Variants in NCKAP5 observed in about 807,000 individuals in gnomAD.
NCKAP5 encodes NCK associated protein 5, also known as nck-associated protein 5.
A neutral mutation model predicts 167.0 loss-of-function variants in NCKAP5; 92 were observed. The observed-to-expected ratio is 0.55, with a 90% CI of 0.47 to 0.66. NCKAP5 has a LOEUF of 0.66. Ranked by LOEUF, NCKAP5 falls within the 30% of genes least tolerant of loss-of-function variation. The pLI is 0.00. For synonymous variants in NCKAP5, 891 were observed against 877.4 expected (o/e 1.02, Z -0.27); for missense variants, 2,378 against 2,315.0 (o/e 1.03, Z -0.56).
chr2:133,351,791 G>C (rs180672950), intron 3 of NCKAP5, among the ~76,000 whole-genome samples: 2 of 152,186 alleles, frequency 1.3e-5, no homozygotes, highest in East Asian at 3.9e-4. Flanking sequence ...AGGAAAGCAT[G>C]TCTGCTTTCT....
At chr2:133,628,456 G>A in the NCKAP5 span, among the ~76,000 whole-genome samples, 12 of 152,188 alleles carry the variant, frequency 7.9e-5, no homozygotes, top group East Asian at 1.4e-3. Flanking sequence ...GGACCTCTTC[G>A]AGGATAACCA....
At chr2:133,001,177 G>GAT (rs1473408571) in intron 6 of NCKAP5, among the ~76,000 whole-genome samples, 1 of 150,184 alleles carries the variant, frequency 6.7e-6, no homozygotes, top group Admixed American at 6.6e-5. Flanking sequence ...TCCAGTTATT[G>GAT]ATATATATGT....
chr2:133,488,122 A>G (rs1332120742), intron 3 of NCKAP5, among the ~76,000 whole-genome samples: 1 of 152,226 alleles, frequency 6.6e-6, no homozygotes, highest in Non-Finnish European at 1.5e-5. Flanking sequence ...TTTTAAATGT[A>G]GTTGTCAAAG....
intron 4 of NCKAP5, among the ~76,000 whole-genome samples, chr2:133,258,009 G>A (rs904900671): frequency 2.0e-5 from 3 of 152,268 alleles, no homozygotes; most frequent in East Asian, 1.9e-4. Flanking sequence ...TGCAGGAAGC[G>A]CTAAAGACTG....
At chr2:133,313,536 C>A (rs1003709848) in intron 3 of NCKAP5, among the ~76,000 whole-genome samples, 7 of 152,016 alleles carry the variant, frequency 4.6e-5, no homozygotes, top group African/African-American at 1.7e-4. Context: ...TTCTCAGCAG[C>A]CTGTACTATT....
chr2:133,445,621 A>T (rs1202128030), intron 3 of NCKAP5, among the ~76,000 whole-genome samples: 1 of 152,120 alleles, frequency 6.6e-6, no homozygotes, highest in Admixed American at 6.5e-5. Flanking sequence ...CCTTCTAGGG[A>T]GGAGCTACTT....
chr2:133,275,296 C>G (rs1197876238), intron 4 of NCKAP5, among the ~76,000 whole-genome samples: 4 of 152,118 alleles, frequency 2.6e-5, no homozygotes, highest in African/African-American at 9.6e-5. Context: ...TTCCACATTG[C>G]AGGTGGGAAT....
At chr2:133,540,408 T>G (rs1478033134) in intron 2 of NCKAP5, among the ~76,000 whole-genome samples, 6 of 152,224 alleles carry the variant, frequency 3.9e-5, no homozygotes, top group African/African-American at 1.4e-4. Context: ...AGCAAATAAC[T>G]GTGAACTTAG....
chr2:133,317,035 A>G (rs1277199886), intron 3 of NCKAP5, among the ~76,000 whole-genome samples: 1 of 152,158 alleles, frequency 6.6e-6, no homozygotes, highest in African/African-American at 2.4e-5. Context: ...GACCATAGGC[A>G]TTTATTTCCC....
At chr2:133,065,602 C>T (rs4414733) in intron 6 of NCKAP5, among the ~76,000 whole-genome samples, 14,201 of 152,086 alleles carry the variant, frequency 0.093, 1,369 homozygotes, top group African/African-American at 0.25. Flanking sequence ...TCCAGCCTGG[C>T]GACAGAGCGA....
At chr2:133,136,469 A>T (rs553300033) in intron 5 of NCKAP5, among the ~76,000 whole-genome samples, 5 of 152,322 alleles carry the variant, frequency 3.3e-5, no homozygotes, top group Non-Finnish European at 4.4e-5. Context: ...GCCCTCCGTG[A>T]GTCCTGCCTC....
At chr2:133,004,417 A>G (rs918960408) in intron 6 of NCKAP5, among the ~76,000 whole-genome samples, 6 of 152,208 alleles carry the variant, frequency 3.9e-5, no homozygotes, top group Admixed American at 3.3e-4. Context: ...GAAAGAGTAC[A>G]AAGAGAGAAA....
intron 5 of NCKAP5, among the ~76,000 whole-genome samples, chr2:133,144,291 T>C (rs2083106628): frequency 6.6e-6 from 1 of 152,060 alleles, no homozygotes; most frequent in African/African-American, 2.4e-5. Flanking sequence ...CAGGTATAGA[T>C]AATACATAGA....
At chr2:133,261,861 T>C (rs1294012501) in intron 4 of NCKAP5, among the ~76,000 whole-genome samples, 2 of 152,164 alleles carry the variant, frequency 1.3e-5, no homozygotes, top group African/African-American at 4.8e-5. Context: ...CTATAATATT[T>C]AGAAATGAAA....
chr2:133,550,568 C>G (rs1277336703), intron 2 of NCKAP5, among the ~76,000 whole-genome samples: 1 of 111,922 alleles, frequency 8.9e-6, no homozygotes, highest in Admixed American at 9.6e-5. Context: ...TAAAAACTCT[C>G]AATAAATTAG....
At chr2:132,821,739 G>A (rs918258722) in intron 11 of NCKAP5, among the ~76,000 whole-genome samples, 1 of 152,068 alleles carries the variant, frequency 6.6e-6, no homozygotes, top group African/African-American at 2.4e-5. Flanking sequence ...CTGGGAGCTG[G>A]GTGAGGCTAT....
intron 4 of NCKAP5, among the ~76,000 whole-genome samples, chr2:133,272,193 A>G (rs1021633942): frequency 4.6e-5 from 7 of 151,886 alleles, no homozygotes; most frequent in African/African-American, 7.2e-5. Context: ...AAATGAAGAA[A>G]AATGGAAATA....
chr2:133,044,638 C>T (rs376297922), intron 6 of NCKAP5, among the ~76,000 whole-genome samples: 14 of 152,106 alleles, frequency 9.2e-5, no homozygotes, highest in East Asian at 3.9e-4. Flanking sequence ...GAGTATAAAT[C>T]GGTGCAACCA....
chr2:133,206,989 C>T (rs982751356), intron 5 of NCKAP5, among the ~76,000 whole-genome samples: 2 of 152,064 alleles, frequency 1.3e-5, no homozygotes, highest in African/African-American at 4.8e-5. Context: ...GCTCTCGAAC[C>T]CTGTTTCCTG....
Sources: allele counts gnomAD v4.1 joint callset (sites outside exome capture counted in the v4.1 genomes callset), GRCh38; gene constraint gnomAD v4.1.1; transcripts MANE v1.5; gene names NCBI Gene and HGNC (gene_info 2026-07-23, HGNC 2026-07-21).